The following PDS5A variants were observed in gnomAD, a reference collection of about 807,000 sequenced individuals.
The protein encoded by PDS5A is sister chromatid cohesion protein PDS5 homolog A.
PDS5A carries 42 observed loss-of-function variants against 167.1 expected under a neutral mutation model. The ratio of observed to expected loss-of-function variants is 0.25; its 90% CI spans 0.20 to 0.33. The LOEUF (loss-of-function observed/expected upper bound fraction) is 0.33, where lower values mean the gene tolerates loss of function less well. PDS5A is among the 10% of genes least tolerant of loss of function. PDS5A has a pLI of 1.00. For missense variants in PDS5A, 1,033 were observed against 1,605.9 expected (o/e 0.64, Z 6.10); for synonymous variants, 553 against 554.6 (o/e 1.00, Z 0.04).
chr4:39,919,657 T>C (rs1462895543), intron 7 of PDS5A, among the ~76,000 whole-genome samples: 1 of 152,094 alleles, frequency 6.6e-6, no homozygotes, highest in Non-Finnish European at 1.5e-5. Context: ...AAAAAATTTT[T>C]TTTTCATAAA....
intron 2 of PDS5A, among the ~76,000 whole-genome samples, chr4:39,951,538 A>T (rs1331596714): frequency 6.6e-6 from 1 of 152,198 alleles, no homozygotes. Flanking sequence ...ACAAGCATCA[A>T]ATCTTGCAGC....
intron 2 of PDS5A, among the ~76,000 whole-genome samples, chr4:39,940,859 C>T (rs570251366): frequency 8.5e-5 from 13 of 152,288 alleles, no homozygotes; most frequent in East Asian, 1.9e-4. Flanking sequence ...TTTGCAGAGA[C>T]AGGATTTCAT....
At chr4:39,956,117 C>CA (rs369534217) in intron 2 of PDS5A, among the ~76,000 whole-genome samples, 5,692 of 120,426 alleles carry the variant, frequency 0.047, 138 homozygotes, top group Middle Eastern at 0.11. Context: ...GACTGCCTCT[C>CA]AAAAAAAAAA....
intron 22 of PDS5A, 116 bp downstream of exon 22, chr4:39,869,278 C>T (rs1578638792): frequency 2.8e-6 from 2 of 723,748 alleles, no homozygotes; most frequent in East Asian, 2.5e-5. Context: ...CAAGACCAAA[C>T]TGAGCAACAC....
Position 39,863,002 on chromosome 4 carries a change from T to A in PDS5A, c.2838A>T (p.Pro946=), listed in dbSNP as rs1484675295. The A allele has an allele frequency of 1.9e-6, 3 of 1,613,620 alleles. No individual in the cohort carries two copies. The highest frequency in any genetic ancestry group is 2.5e-6 in the Non-Finnish European group (3 of 1,179,602). ...AGGCAAAGATCGCCATATACTCCAA[T>A]GGGAGCAGTAACTTCACAAGTGCCT... is the stretch of plus-strand genomic sequence containing the variant. The part of the protein sequence containing the change: ...LHKALVKLLL[P]LEYMAIFALC... Residue 946 remains proline (P), a synonymous_variant, in exon 25 of 33, where the codon CCA becomes CCT. Transcript: ENST00000303538.
At chr4:39,926,495 GCAA>G (rs1490512944) in intron 4 of PDS5A, among the ~76,000 whole-genome samples, 2 of 143,844 alleles carry the variant, frequency 1.4e-5, no homozygotes, top group Non-Finnish European at 3.0e-5. Flanking sequence ...TCCAGTCTTG[GCAA>G]CAAGAGTGAA....
At chr4:39,905,411 A>G (rs1723244740) in intron 11 of PDS5A, among the ~76,000 whole-genome samples, 2 of 150,812 alleles carry the variant, frequency 1.3e-5, no homozygotes, top group African/African-American at 4.9e-5. Context: ...CACAAAAATT[A>G]GCCGGGCATG....
intron 16 of PDS5A, among the ~76,000 whole-genome samples, chr4:39,890,806 G>A (rs1721892506): frequency 6.6e-6 from 1 of 151,742 alleles, no homozygotes; most frequent in African/African-American, 2.4e-5. Context: ...TTGTAGAGAC[G>A]GGGCTTCACC....
intron 26 of PDS5A, among the ~76,000 whole-genome samples, chr4:39,850,271 C>CT (rs1553889622): frequency 6.1e-4 from 58 of 94,832 alleles, no homozygotes; most frequent in Admixed American, 1.0e-3. Context: ...GACTCTCTCT[C>CT]AAAAAAAAAA....
chr4:39,943,132 A>G (rs1256499902), intron 2 of PDS5A, among the ~76,000 whole-genome samples: 3 of 21,522 alleles, frequency 1.4e-4, no homozygotes, highest in Non-Finnish European at 5.6e-4. Flanking sequence ...ATACACACAC[A>G]CACACACACA....
In PDS5A at chr4:39,967,626, G is replaced by A. The variant is rs564366931; in HGVS notation, c.138+8814C>T. Among the ~76,000 whole-genome samples the A allele has an allele frequency of 4.4e-4, 66 of 150,752 alleles. 1 individual carries two copies. The highest frequency in any genetic ancestry group is 1.5e-3 in the African/African-American group (63 of 40,968). On this transcript the variant is annotated intron_variant, in intron 2 of 32. Transcript: ENST00000303538. ...CGCGCCACTGCACTCCAGCCTGGGC[G>A]ACAGAGCAAGACTCCATCTCAAAAA...
In PDS5A at chr4:39,976,584, G is replaced by C. The variant is rs1560534761; in HGVS notation, c.-7C>G. 1 of 1,607,534 alleles carries C rather than the reference G, an allele frequency of 6.2e-7. No individual in the cohort carries two copies. Among genetic ancestry groups the C allele is most frequent in the Non-Finnish European group, 8.5e-7 (1 of 1,175,336 alleles). On this transcript the variant is annotated 5_prime_UTR_variant, in exon 2 of 33. Transcript: ENST00000303538. ...GCTGCGCGGTGAAGTCCATCCTGGG[G>C]GACAACTTTTGGTTCACAGTCCTCT...
Position 39,943,849 on chromosome 4 carries a change from G to C in PDS5A, c.139-15685C>G, listed in dbSNP as rs1052318200. Reference sequence around the variant, plus strand: ...AACAACAAAAAGATCCATTCTACCAGACCTAAACCATTTAACAAGCACATA... The same window carrying C: ...AACAACAAAAAGATCCATTCTACCACACCTAAACCATTTAACAAGCACATA... On this transcript the variant is annotated intron_variant, in intron 2 of 32. Coordinates refer to ENST00000303538, the MANE Select transcript of PDS5A (RefSeq NM_001100399.2). Among the ~76,000 whole-genome samples, 5 of 151,288 alleles carry C rather than the reference G, an allele frequency of 3.3e-5. No individual in the cohort carries two copies. The Admixed American group carries it at 3.3e-4, about 10-fold the overall frequency.
rs1560419736 is a variant in PDS5A at position 39,842,939 on chromosome 4, T to TATATATATATATATATATATA, written c.3549-884_3549-883insTATATATATATATATATATAT. On this transcript the variant is annotated intron_variant, in intron 30 of 32. Coordinates refer to ENST00000303538, the MANE Select transcript of PDS5A (RefSeq NM_001100399.2). Reference sequence around the variant, plus strand: ...TATATATATATATATATATATATATTTTAAGAGACAGGGTCTTAGGCTGAA... The same window carrying TATATATATATATATATATATA: ...TATATATATATATATATATATATATTATATATATATATATATATATATTAAGAGACAGGGTCTTAGGCTGAA... Among the ~76,000 whole-genome samples the TATATATATATATATATATATA allele has an allele frequency of 2.8e-4, 9 of 31,820 alleles. 1 individual carries two copies. The highest frequency in any genetic ancestry group is 1.8e-3 in the African/African-American group (9 of 5,052). 20.9% of individuals were successfully genotyped at this position (31,820 alleles called of 152,430 possible). A position where few individuals can be genotyped will look rare whatever the true frequency, so the allele number is the denominator to read the frequency against.
At chr4:39,892,218 C>G (rs550578379) in intron 16 of PDS5A, among the ~76,000 whole-genome samples, 1 of 152,152 alleles carries the variant, frequency 6.6e-6, no homozygotes, top group Non-Finnish European at 1.5e-5. Context: ...GGTGACGGAT[C>G]GTTTGAGGTC....
chr4:39,842,126 TAAA>T, intron 30 of PDS5A, 70 bp from the exon 31 acceptor site: 2 of 976,764 alleles, frequency 2.0e-6, no homozygotes, highest in South Asian at 2.7e-5. Flanking sequence ...ACCGTACCAA[TAAA>T]GAAAGGCTTA....
chr4:39,860,076 G>C (rs1243196939), intron 26 of PDS5A, among the ~76,000 whole-genome samples: 2 of 151,270 alleles, frequency 1.3e-5, no homozygotes, highest in African/African-American at 2.4e-5. Flanking sequence ...TCTATAAAGA[G>C]AGAGAAAAAA....
At chr4:39,936,584 C>A (rs1019117545) in intron 2 of PDS5A, among the ~76,000 whole-genome samples, 1 of 152,004 alleles carries the variant, frequency 6.6e-6, no homozygotes, top group African/African-American at 2.4e-5. Context: ...CATACCACCA[C>A]ATCTGGCTAA....
At chr4:39,955,102 A>C (rs1728801872) in intron 2 of PDS5A, among the ~76,000 whole-genome samples, 1 of 152,084 alleles carries the variant, frequency 6.6e-6, no homozygotes, top group South Asian at 2.1e-4. Flanking sequence ...ATTTAAAGTA[A>C]ATCAGCACTT....
Sources: allele counts gnomAD v4.1 joint callset (sites outside exome capture counted in the v4.1 genomes callset), GRCh38; gene constraint gnomAD v4.1.1; transcripts MANE v1.5; gene names NCBI Gene and HGNC (gene_info 2026-07-23, HGNC 2026-07-21).